ABCA8: variants seen among roughly 807,000 people sequenced by gnomAD.
ABCA8 encodes ABC-type organic anion transporter ABCA8.
In ABCA8, 177 loss-of-function variants were observed where a neutral mutation model predicts 192.3. That is an observed-to-expected ratio of 0.92 (90% CI 0.81 to 1.04). The LOEUF (loss-of-function observed/expected upper bound fraction) is 1.04, where lower values mean the gene tolerates loss of function less well. Ranked by LOEUF, ABCA8 falls within the 50% of genes least tolerant of loss-of-function variation. The pLI, the probability that ABCA8 is intolerant of heterozygous loss-of-function variation, is 0.00. For missense variants in ABCA8, 1,915 were observed against 1,904.8 expected, an observed-to-expected ratio of 1.01 and a Z score of -0.10; for synonymous variants, 642 against 690.2, an observed-to-expected ratio of 0.93 and a Z score of 1.09.
In ABCA8 at chr17:68,867,948, G is replaced by A. The variant is rs1157489728; in HGVS notation, c.*137C>T. 1.4e-5 allele frequency: 10 copies of A among 708,816 alleles called. No homozygotes were observed. Among genetic ancestry groups the A allele is most frequent in the African/African-American group, 1.8e-5 (1 of 55,450 alleles). 43.9% of individuals were successfully genotyped at this position (708,816 alleles called of 1,614,324 possible). Reference sequence around the variant, plus strand: ...CTGACATGGCACTTACCCAGCACCCGAACCTCCTCCTCCCACCACACGGAG... The same window carrying A: ...CTGACATGGCACTTACCCAGCACCCAAACCTCCTCCTCCCACCACACGGAG... On this transcript the variant is annotated 3_prime_UTR_variant, in exon 40 of 40. Transcript: ENST00000586539.
At chr17:68,928,126 G>C in intron 9 of ABCA8, 63 bp from the exon 10 acceptor site, 2 of 1,322,130 alleles carry the variant, frequency 1.5e-6, no homozygotes, top group Non-Finnish European at 2.1e-6. Flanking sequence ...AAACAGTTAG[G>C]TTTAGCATAG....
At chr17:68,877,708 T>C (rs1367522277) in intron 32 of ABCA8, 29 bp from the exon 33 acceptor site, 1 of 1,596,384 alleles carries the variant, frequency 6.3e-7, no homozygotes, top group Non-Finnish European at 8.5e-7. Flanking sequence ...TCTCAGAACC[T>C]ACCTTCTGCA....
At chr17:68,951,167 GT>G (rs560012222) in intron 1 of ABCA8, among the ~76,000 whole-genome samples, 132 of 152,248 alleles carry the variant, frequency 8.7e-4, no homozygotes, top group Non-Finnish European at 1.4e-3. Context: ...ATTGCTGTGT[GT>G]TGTTATTTGG....
At chr17:68,925,686 A>T (rs1233428327) in intron 10 of ABCA8, among the ~76,000 whole-genome samples, 1 of 152,222 alleles carries the variant, frequency 6.6e-6, no homozygotes, top group Non-Finnish European at 1.5e-5. Flanking sequence ...CTCTCTGTAT[A>T]CCTGCCACAT....
chr17:68,876,341 T>G, intron 35 of ABCA8, 119 bp downstream of exon 35: 1 of 1,105,840 alleles, frequency 9.0e-7, no homozygotes, highest in Non-Finnish European at 1.3e-6. Flanking sequence ...ACAAGTGACA[T>G]TGATAGTTTT....
intron 23 of ABCA8, 89 bp from the exon 24 acceptor site, chr17:68,891,685 A>T (rs1250829511): frequency 4.2e-6 from 4 of 946,868 alleles, no homozygotes; most frequent in Non-Finnish European, 6.4e-6. Flanking sequence ...GACTAAGTTT[A>T]CATAATTCTG....
intron 1 of ABCA8, among the ~76,000 whole-genome samples, chr17:68,954,193 C>A (rs1472831658): frequency 8.3e-6 from 1 of 120,252 alleles, no homozygotes; most frequent in African/African-American, 3.1e-5. Flanking sequence ...CCCCTCCCCC[C>A]ACCCCACAAC....
intron 17 of ABCA8, among the ~76,000 whole-genome samples, chr17:68,910,310 A>G (rs1243218334): frequency 6.6e-6 from 1 of 152,186 alleles, no homozygotes; most frequent in Admixed American, 6.5e-5. Flanking sequence ...AGAATGTTGT[A>G]TGCTTGGGGG....
At chr17:68,875,819 C>G in intron 35 of ABCA8, 86 bp from the exon 36 acceptor site, 1 of 1,438,878 alleles carries the variant, frequency 6.9e-7, no homozygotes, top group South Asian at 1.4e-5. Flanking sequence ...AACTGGCATG[C>G]GTGTGAATAA....
intron 37 of ABCA8, among the ~76,000 whole-genome samples, chr17:68,873,430 A>G (rs1397492558): frequency 6.6e-6 from 1 of 152,238 alleles, no homozygotes; most frequent in African/African-American, 2.4e-5. Context: ...TCAGCAGTGC[A>G]TGACTGTATT....
chr17:68,937,236 C>G (rs969941193), intron 4 of ABCA8, 121 bp from the exon 5 acceptor site: 1 of 864,122 alleles, frequency 1.2e-6, no homozygotes, highest in Non-Finnish European at 1.7e-6. Flanking sequence ...CAAGTATTAA[C>G]TTTTAGAAAG....
chr17:68,923,970 T>C (rs1436639590), intron 11 of ABCA8, among the ~76,000 whole-genome samples: 1 of 152,186 alleles, frequency 6.6e-6, no homozygotes, highest in Non-Finnish European at 1.5e-5. Flanking sequence ...TGAATTCCCT[T>C]TGTATCTACC....
At position 68,921,360 on chromosome 17, in the gene ABCA8, AAG is replaced by A. The variant is rs774533525; in HGVS notation, c.1612+20_1612+21del. On this transcript the variant is annotated intron_variant, in intron 13 of 39. Transcript: ENST00000586539. The stretch of plus-strand genomic sequence containing the variant: ...AAACTTAAAGTATAATTTAAAAAAA[AAG>A]AAAACAAACTAGTTTGTACCTTTGG... 29 of 1,554,096 alleles carry A rather than the reference AAG, an allele frequency of 1.9e-5. No homozygotes were observed. Among genetic ancestry groups the A allele is most frequent in the South Asian group, 1.6e-4 (14 of 85,294 alleles).
In ABCA8 at chr17:68,941,941, T is replaced by C. The variant is rs2068241492; in HGVS notation, c.94A>G (p.Met32Val). The C allele has an allele frequency of 6.2e-7, 1 of 1,600,964 alleles. No individual in the cohort carries two copies. Among genetic ancestry groups the C allele is most frequent in the Admixed American group, 1.7e-5 (1 of 59,874 alleles). The stretch of plus-strand genomic sequence containing the variant: ...ATAACACGGATATTGAGTCATACCA[T>C]TAAGGACTCTCTTTTCATTCTCCAT... The part of the protein sequence containing the change: ...KKWRMKRESL[M>V]EWLNSLLLLL... Residue 32 changes from methionine (M) to valine (V), a missense_variant and splice_region_variant, in exon 3 of 40, where the codon ATG becomes GTG. By Grantham distance (21) the Met-to-Val change is conservative (BLOSUM62 1). Coordinates refer to ENST00000586539, the MANE Select transcript of ABCA8 (RefSeq NM_001288985.2).
chr17:68,887,923 T>TA (rs1567830737), intron 24 of ABCA8, among the ~76,000 whole-genome samples: 8 of 15,774 alleles, frequency 5.1e-4, no homozygotes, highest in African/African-American at 1.9e-3. Context: ...TATATATATA[T>TA]ATTATATATG....
intron 26 of ABCA8, among the ~76,000 whole-genome samples, chr17:68,886,216 C>A (rs1342446552): frequency 6.6e-6 from 1 of 152,168 alleles, no homozygotes; most frequent in Non-Finnish European, 1.5e-5. Flanking sequence ...TATCTCTAAT[C>A]CTATTTCTGT....
rs772617537 is a variant in ABCA8 at position 68,903,257 on chromosome 17, C to T, written c.2597+44G>A. On this transcript the variant is annotated intron_variant, in intron 20 of 39. Coordinates refer to ENST00000586539, the MANE Select transcript of ABCA8 (RefSeq NM_001288985.2). ...TTTATACCTTAGATTTGCTTTTTAA[C>T]GCATTGACTTAAAAAGAAAACCTAT... The T allele has an allele frequency of 1.9e-5, 30 of 1,593,530 alleles. 1 individual carries two copies. The highest frequency in any genetic ancestry group is 3.3e-4 in the Middle Eastern group (2 of 6,000).
intron 18 of ABCA8, among the ~76,000 whole-genome samples, chr17:68,907,091 A>T (rs1275473453): frequency 6.6e-6 from 1 of 152,178 alleles, no homozygotes; most frequent in African/African-American, 2.4e-5. Context: ...ATTCCACCTA[A>T]AACGTCTACA....
intron 1 of ABCA8, among the ~76,000 whole-genome samples, chr17:68,952,519 T>C (rs2068596428): frequency 6.6e-6 from 1 of 152,220 alleles, no homozygotes; most frequent in Non-Finnish European, 1.5e-5. Flanking sequence ...ACAAAGTAGA[T>C]TCATTTTTTA....
Sources: gnomAD v4.1 joint callset for allele counts (sites outside exome capture counted in the v4.1 genomes callset) on GRCh38, gnomAD v4.1.1 for gene constraint, MANE v1.5 for transcripts, NCBI Gene and HGNC (gene_info 2026-07-23, HGNC 2026-07-21) for gene names.